The following PRKAG2 variants were observed in gnomAD, a reference collection of about 807,000 sequenced individuals.
PRKAG2 encodes the protein protein kinase AMP-activated non-catalytic subunit gamma 2.
In PRKAG2, 26 loss-of-function variants were observed where a neutral mutation model predicts 69.6. The ratio of observed to expected loss-of-function variants is 0.37; its 90% CI spans 0.27 to 0.52. The LOEUF is 0.52. Ranked by LOEUF, PRKAG2 falls within the 20% of genes least tolerant of loss-of-function variation. The pLI is 0.90. For synonymous variants in PRKAG2, 293 were observed against 285.0 expected (o/e 1.03, Z -0.28); for missense variants, 557 against 740.0 (o/e 0.75, Z 2.87).
In PRKAG2 at chr7:151,582,434, A is replaced by G. The variant is rs780633634; in HGVS notation, c.865-5982T>C. On this transcript the variant is annotated intron_variant, in intron 6 of 15. Coordinates refer to ENST00000287878, the MANE Select transcript of PRKAG2 (RefSeq NM_016203.4). ...CCCAAAGTGCTGGGATTCCAGGGGT[A>G]AGCCACCTCCCCCAGCCCAATGGCA... Among the ~76,000 whole-genome samples, 45 of 152,202 alleles carry G rather than the reference A, an allele frequency of 3.0e-4. 1 individual carries two copies. The highest frequency in any genetic ancestry group is 5.3e-4 in the Non-Finnish European group (36 of 67,976).
At chr7:151,616,354 CCT>C (rs144961290) in intron 5 of PRKAG2, among the ~76,000 whole-genome samples, 1,906 of 152,198 alleles carry the variant, frequency 0.013, 28 homozygotes, top group African/African-American at 0.043. Context: ...AAGTTAAACC[CCT>C]CTCTCTTTTA....
At chr7:151,700,455 G>A (rs1310981724) in intron 3 of PRKAG2, among the ~76,000 whole-genome samples, 5 of 152,212 alleles carry the variant, frequency 3.3e-5, no homozygotes, top group African/African-American at 7.2e-5. Context: ...GGTGAGATAC[G>A]CGGCTGTAGG....
Position 151,694,008 on chromosome 7 carries a change from A to AGGG in PRKAG2, c.467-18372_467-18371insCCC, listed in dbSNP as rs546403008. Among the ~76,000 whole-genome samples the AGGG allele has an allele frequency of 2.6e-3, 400 of 152,270 alleles. 1 individual carries two copies. Among genetic ancestry groups the AGGG allele is most frequent in the African/African-American group, 9.5e-3 (394 of 41,552 alleles). On this transcript the variant is annotated intron_variant, in intron 3 of 15. Coordinates refer to ENST00000287878, the MANE Select transcript of PRKAG2 (RefSeq NM_016203.4). ...TGCCTCAGCCTCCTGAGCAGCTGGG[A>AGGG]TTACAGTTGCTCACCACCACACCCA...
intron 3 of PRKAG2, among the ~76,000 whole-genome samples, chr7:151,701,374 G>A (rs1837656503): frequency 6.6e-6 from 1 of 152,194 alleles, no homozygotes; most frequent in Non-Finnish European, 1.5e-5. Flanking sequence ...CCTGGTACCT[G>A]TGCATGTGAC....
At chr7:151,627,203 T>A (rs1823179309) in intron 5 of PRKAG2, among the ~76,000 whole-genome samples, 1 of 152,170 alleles carries the variant, frequency 6.6e-6, no homozygotes, top group Admixed American at 6.5e-5. Context: ...AGGCCCTTCA[T>A]CACAGATCTG....
chr7:151,843,416 C>A (rs976304228), intron 1 of PRKAG2, among the ~76,000 whole-genome samples: 2 of 152,134 alleles, frequency 1.3e-5, no homozygotes, highest in Non-Finnish European at 2.9e-5. Context: ...ACAGGCTGCA[C>A]CATCACGCGG....
At chr7:151,631,302 C>T (rs1252998098) in intron 5 of PRKAG2, among the ~76,000 whole-genome samples, 1 of 152,220 alleles carries the variant, frequency 6.6e-6, no homozygotes, top group African/African-American at 2.4e-5. Context: ...TTTCATTTTA[C>T]ATATTAATTT....
chr7:151,600,944 C>T (rs1258382141), intron 5 of PRKAG2, among the ~76,000 whole-genome samples: 4 of 152,102 alleles, frequency 2.6e-5, no homozygotes, highest in South Asian at 2.1e-4. Flanking sequence ...CTGAGGAAAC[C>T]GAGGCTAGGA....
intron 3 of PRKAG2, among the ~76,000 whole-genome samples, chr7:151,753,862 C>T (rs1203085290): frequency 6.6e-6 from 1 of 152,056 alleles, no homozygotes; most frequent in African/African-American, 2.4e-5. Context: ...GGCAAAACCC[C>T]ATCTCTACAA....
At chr7:151,869,585 C>G (rs533371431) in intron 1 of PRKAG2, among the ~76,000 whole-genome samples, 1 of 152,344 alleles carries the variant, frequency 6.6e-6, no homozygotes, top group South Asian at 2.1e-4. Context: ...CACTATTCCC[C>G]CATGTGAGCT....
intron 3 of PRKAG2, chr7:151,736,049 C>T (rs1024306893): frequency 2.8e-5 from 43 of 1,534,330 alleles, no homozygotes; most frequent in East Asian, 1.2e-4. Context: ...CCCACAGAAC[C>T]GGTGTCAGCC....
At chr7:151,558,809 C>A in intron 15 of PRKAG2, 2 of 985,422 alleles carry the variant, frequency 2.0e-6, no homozygotes. Flanking sequence ...AGGGGCATTG[C>A]AATGACTTAG....
chr7:151,712,013 C>G lies in PRKAG2; in HGVS notation c.467-36376G>C, dbSNP rs567919858. 8.5e-4 allele frequency among the ~76,000 whole-genome samples: 130 copies of G among 152,300 alleles called. 1 individual carries two copies. In the East Asian group the frequency reaches 0.022, roughly 25 times the overall value. On this transcript the variant is annotated intron_variant, in intron 3 of 15. Transcript: ENST00000287878. ...CGCCCCAGGTGGCTGGGCTGTGTCT[C>G]GGGTGATGGAGGAGGTGTACAGATC...
chr7:151,788,904 G>A lies in PRKAG2; in HGVS notation c.115-2363C>T, dbSNP rs983590192. On this transcript the variant is annotated intron_variant, in intron 1 of 15. Coordinates refer to ENST00000287878, the MANE Select transcript of PRKAG2 (RefSeq NM_016203.4). This position sits in a 1 kb window ranked among gnomAD's most constrained non-coding sequence, Gnocchi z 4.6. The stretch of plus-strand genomic sequence containing the variant: ...TCCCAGCACTATTTGTTGAAAAGAT[G>A]GTCCTTTCCCAGTTGAATAGTCTTG... 1.3e-5 allele frequency among the ~76,000 whole-genome samples: 2 copies of A among 152,166 alleles called. No individual in the cohort carries two copies. Among genetic ancestry groups the A allele is most frequent in the African/African-American group, 4.8e-5 (2 of 41,428 alleles).
chr7:151,836,289 C>T lies in PRKAG2; in HGVS notation c.114+40218G>A, dbSNP rs560372369. On this transcript the variant is annotated intron_variant, in intron 1 of 15. Transcript: ENST00000287878. This position sits in a 1 kb window ranked among gnomAD's most constrained non-coding sequence, Gnocchi z 4.1. ...CTTTCTGCCACCCCCAGCACCAGCC[C>T]GAGACAGACTGTGGTCTGACTGCAG... Among the ~76,000 whole-genome samples, 6 of 152,298 alleles carry T rather than the reference C, an allele frequency of 3.9e-5. No homozygotes were observed. In the South Asian group the frequency reaches 1.0e-3, roughly 26 times the overall value.
intron 1 of PRKAG2, chr7:151,806,883 T>A (rs764395860): frequency 9.4e-6 from 4 of 426,322 alleles, no homozygotes; most frequent in South Asian, 6.9e-5. Context: ...CGAGAATCGC[T>A]TGAACCTGGG....
At chr7:151,761,924 T>C (rs150318555) in intron 3 of PRKAG2, among the ~76,000 whole-genome samples, 180 of 152,292 alleles carry the variant, frequency 1.2e-3, no homozygotes, top group African/African-American at 4.3e-3. Flanking sequence ...GTCTTTTTTG[T>C]TGTTGTTAGG....
In PRKAG2 at chr7:151,814,449, C is replaced by T. The variant is rs1323016338; in HGVS notation, c.115-27908G>A. On this transcript the variant is annotated intron_variant, in intron 1 of 15. Transcript: ENST00000287878. This position sits in a 1 kb window ranked among gnomAD's most constrained non-coding sequence, Gnocchi z 4.8. ...AAGGGGTCCTGGAGGTCTTCTCTTC[C>T]AGATGCTAATAAGCAGTGCAGGCTT... 5 of 1,229,846 alleles carry T rather than the reference C, an allele frequency of 4.1e-6. No homozygotes were observed. The highest frequency in any genetic ancestry group is 5.1e-6 in the Non-Finnish European group (5 of 987,410). The allele number at this position is 1,229,846 out of a possible 1,614,324, so 76.2% of individuals were successfully genotyped here. A position where few individuals can be genotyped will look rare whatever the true frequency, so the allele number is the denominator to read the frequency against.
chr7:151,844,609 GCAAA>G (rs1326540455), intron 1 of PRKAG2, among the ~76,000 whole-genome samples: 1 of 152,170 alleles, frequency 6.6e-6, no homozygotes, highest in East Asian at 1.9e-4. Flanking sequence ...TCAGTGCCTG[GCAAA>G]CAGTGAGCAC....
Sources: allele counts gnomAD v4.1 joint callset (sites outside exome capture counted in the v4.1 genomes callset), GRCh38; gene constraint gnomAD v4.1.1; non-coding constraint Gnocchi (gnomAD v3.1); transcripts MANE v1.5; gene names NCBI Gene and HGNC (gene_info 2026-07-23, HGNC 2026-07-21).